Variants in PCDHGA7 observed in about 807,000 individuals in gnomAD.
The protein encoded by PCDHGA7 is protocadherin gamma-A7.
A neutral mutation model predicts 58.3 loss-of-function variants in PCDHGA7; 44 were observed. The observed-to-expected ratio is 0.75, with a 90% CI of 0.59 to 0.97. PCDHGA7 has a LOEUF of 0.97. PCDHGA7 is among the 50% of genes least tolerant of loss of function. The pLI, the probability that PCDHGA7 is intolerant of heterozygous loss-of-function variation, is 0.00. For missense variants in PCDHGA7, 1,266 were observed against 1,188.7 expected, an observed-to-expected ratio of 1.06 and a Z score of -0.96; for synonymous variants, 516 against 504.2, an observed-to-expected ratio of 1.02 and a Z score of -0.31.
chr5:141,450,755 G>A (rs556795021), intron 1 of PCDHGA7, among the ~76,000 whole-genome samples: 8 of 152,040 alleles, frequency 5.3e-5, no homozygotes, highest in Admixed American at 1.3e-4. Context: ...CCAAAGTGCC[G>A]GGATTACAGG....
chr5:141,388,619 C>A (rs369637121), intron 1 of PCDHGA7: 1 of 1,613,852 alleles, frequency 6.2e-7, no homozygotes, highest in Admixed American at 1.7e-5. Flanking sequence ...TCAGTCAAGA[C>A]GTATACAGGG....
chr5:141,507,151 G>C (rs1423834553), intron 3 of PCDHGA7: 2 of 152,192 alleles, frequency 1.3e-5, no homozygotes, highest in African/African-American at 4.8e-5. Context: ...TATTACCTGA[G>C]CAGGATGAGA....
intron 1 of PCDHGA7, among the ~76,000 whole-genome samples, chr5:141,483,618 C>T (rs1441906179): frequency 6.6e-6 from 1 of 151,536 alleles, no homozygotes; most frequent in Non-Finnish European, 1.5e-5. Flanking sequence ...TCCATCATTC[C>T]CATGGGAGAA....
chr5:141,474,019 A>G (rs923131322), intron 1 of PCDHGA7, among the ~76,000 whole-genome samples: 4 of 152,134 alleles, frequency 2.6e-5, no homozygotes, highest in Non-Finnish European at 4.4e-5. Flanking sequence ...ACAGTGAGCT[A>G]TGATTATTCC....
chr5:141,426,717 G>A (rs974405285), intron 1 of PCDHGA7: 1 of 446,052 alleles, frequency 2.2e-6, no homozygotes, highest in African/African-American at 2.0e-5. Flanking sequence ...CAATGAACTA[G>A]CAATTCCAGG....
chr5:141,384,799 G>A lies in PCDHGA7; in HGVS notation c.1900G>A (p.Asp634Asn). Residue 634 changes from aspartate to asparagine, a missense_variant, in exon 1 of 4, where the codon GAC becomes AAC. Coordinates refer to ENST00000518325, the MANE Select transcript of PCDHGA7 (RefSeq NM_018920.4). ...GEVRTARALLDRDALKQSLVV... is the reference protein window; with the variant it reads ...GEVRTARALLNRDALKQSLVV... ...GGTGCGCACGGCTCGGGCCCTGCTG[G>A]ACAGAGATGCCCTCAAGCAGAGCCT... The A allele has an allele frequency of 1.2e-6, 2 of 1,613,476 alleles. No individual in the cohort carries two copies. The highest frequency in any genetic ancestry group is 1.1e-5 in the South Asian group (1 of 91,074).
At chr5:141,494,569 T>G (rs1341706026) in intron 1 of PCDHGA7, among the ~76,000 whole-genome samples, 2 of 152,190 alleles carry the variant, frequency 1.3e-5, no homozygotes, top group Non-Finnish European at 2.9e-5. Flanking sequence ...GAAAGGAGTC[T>G]CAGCTTGCTC....
At chr5:141,479,590 A>T (rs2099500448) in intron 1 of PCDHGA7, 1 of 152,182 alleles carries the variant, frequency 6.6e-6, no homozygotes, top group Non-Finnish European at 1.5e-5. Context: ...TAGCCACTGC[A>T]CTCCAGCCTA....
intron 2 of PCDHGA7, among the ~76,000 whole-genome samples, chr5:141,503,361 C>T (rs1021880248): frequency 6.6e-6 from 1 of 151,886 alleles, no homozygotes; most frequent in Non-Finnish European, 1.5e-5. Context: ...CTTTGGGAAG[C>T]GGAGGCAGGT....
chr5:141,409,196 A>G (rs1197077093), intron 1 of PCDHGA7: 2 of 1,613,926 alleles, frequency 1.2e-6, no homozygotes, highest in Non-Finnish European at 1.7e-6. Flanking sequence ...TACCCAGTGT[A>G]AAGTAATCAT....
chr5:141,429,896 A>G (rs1307950556), intron 1 of PCDHGA7, among the ~76,000 whole-genome samples: 1 of 152,346 alleles, frequency 6.6e-6, no homozygotes, highest in South Asian at 2.1e-4. Flanking sequence ...TGAACAATAA[A>G]TATTTTTGAA....
chr5:141,385,024 C>T lies in PCDHGA7; in HGVS notation c.2125C>T (p.Leu709Phe), dbSNP rs756021455. 5.6e-6 allele frequency: 9 copies of T among 1,614,158 alleles called. No individual in the cohort carries two copies. In the East Asian group the frequency reaches 1.1e-4, roughly 20 times the overall value. ...CTCCTGCGTCTTCCTAGCCTTCGTC[C>T]TCGTACTGCTGGCGCTCAGGCTGCG... The part of the protein sequence containing the change: ...TVSCVFLAFV[L>F]VLLALRLRRW... The change falls in exon 1 of 4, where the codon CTC (leucine) becomes TTC (phenylalanine). Residue 709 changes from leucine to phenylalanine, a missense_variant. By Grantham distance (22) the Leu-to-Phe change is conservative (BLOSUM62 0). Coordinates refer to ENST00000518325, the MANE Select transcript of PCDHGA7 (RefSeq NM_018920.4).
rs1589038346 is a variant in PCDHGA7, at chr5:141,387,562, C to T, written c.2424+2239C>T. The T allele has an allele frequency of 6.9e-6, 3 of 437,514 alleles. No individual in the cohort carries two copies. The Admixed American group carries it at 1.2e-4, about 17-fold the overall frequency. The allele number at this position is 437,514 out of a possible 1,614,324, so 27.1% of individuals were successfully genotyped here. A position where few individuals can be genotyped will look rare whatever the true frequency, so the allele number is the denominator to read the frequency against. ...GTTTTTGTTCTTTCAGTTAGGCACA[C>T]AATTATAATTATTGCACTGGTTAAC... On this transcript the variant is annotated intron_variant, in intron 1 of 3. Transcript: ENST00000518325.
intron 1 of PCDHGA7, chr5:141,410,447 C>G (rs760711107): frequency 1.2e-6 from 2 of 1,613,984 alleles, no homozygotes; most frequent in Non-Finnish European, 1.7e-6. Context: ...GGGGACTTTG[C>G]CTTATTCTTA....
intron 1 of PCDHGA7, among the ~76,000 whole-genome samples, chr5:141,458,201 T>C (rs973995736): frequency 6.6e-6 from 1 of 152,168 alleles, no homozygotes; most frequent in African/African-American, 2.4e-5. Context: ...AGGCCATAAA[T>C]AGTTTAAAAT....
In PCDHGA7 at chr5:141,384,281, T is replaced by C. The variant is rs766739394; in HGVS notation, c.1382T>C (p.Ile461Thr). Residue 461 changes from isoleucine (I) to threonine (T), a missense_variant, in exon 1 of 4, where the codon ATC becomes ACC. Ile to Thr is a moderately conservative substitution (Grantham distance 89). Coordinates refer to ENST00000518325, the MANE Select transcript of PCDHGA7 (RefSeq NM_018920.4). ...TFPHSSYSVY[I>T]AENNPRGASI... is the part of the protein sequence containing the mutation. ...CCCCACTCATCCTACTCAGTCTACATCGCTGAGAACAACCCCAGAGGGGCC... is the reference window on the plus strand; with the variant it reads ...CCCCACTCATCCTACTCAGTCTACACCGCTGAGAACAACCCCAGAGGGGCC... The C allele has an allele frequency of 9.9e-6, 16 of 1,613,774 alleles. No homozygotes were observed. Among genetic ancestry groups the C allele is most frequent in the Admixed American group, 6.7e-5 (4 of 60,014 alleles).
At chr5:141,505,308 G>A in intron 2 of PCDHGA7, 85 bp from the exon 3 acceptor site, 1 of 1,598,660 alleles carries the variant, frequency 6.3e-7, no homozygotes, top group Non-Finnish European at 8.5e-7. Flanking sequence ...TAGGGTACTA[G>A]GTTTGGGAGC....
chr5:141,432,610 C>T lies in PCDHGA7; in HGVS notation c.2424+47287C>T, dbSNP rs1481968343. 9.3e-6 allele frequency: 15 copies of T among 1,613,954 alleles called. No homozygotes were observed. Among genetic ancestry groups the T allele is most frequent in the Non-Finnish European group, 1.3e-5 (15 of 1,179,978 alleles). On this transcript the variant is annotated intron_variant, in intron 1 of 3. Transcript: ENST00000518325. This position sits in a 1 kb window ranked among gnomAD's most constrained non-coding sequence, Gnocchi z 6.0. The stretch of plus-strand genomic sequence containing the variant: ...TCAAGGCCAGCGAGCCGGGACTCTT[C>T]TCGGTGGGTCTGCACACGGGCGAGG...
chr5:141,485,497 T>C lies in PCDHGA7; in HGVS notation c.2425-9310T>C, dbSNP rs1594488328. On this transcript the variant is annotated intron_variant, in intron 1 of 3. Coordinates refer to ENST00000518325, the MANE Select transcript of PCDHGA7 (RefSeq NM_018920.4). The surrounding 1 kb of genome is among the most constrained non-coding windows in gnomAD (Gnocchi z 5.7). ...CCAGCTGCATCGTGCCCCTGGAGTT[T>C]GTCACCGAAGGTCCTTTGGAAATGT... 6.2e-7 allele frequency: 1 copy of C among 1,614,112 alleles called. No homozygotes were observed. The highest frequency in any genetic ancestry group is 1.3e-5 in the African/African-American group (1 of 74,998).
Sources: allele counts gnomAD v4.1 joint callset (sites outside exome capture counted in the v4.1 genomes callset), GRCh38; gene constraint gnomAD v4.1.1; non-coding constraint Gnocchi (gnomAD v3.1); transcripts MANE v1.5; gene names NCBI Gene and HGNC (gene_info 2026-07-23, HGNC 2026-07-21).